BTBD3: variants seen among roughly 807,000 people sequenced by gnomAD.
BTBD3 encodes the protein BTB/POZ domain-containing protein 3.
Under a neutral mutation model 41.6 loss-of-function variants are expected in BTBD3, and 14 were observed. The observed-to-expected ratio is 0.34, with a 90% CI of 0.22 to 0.53. The LOEUF (loss-of-function observed/expected upper bound fraction) is 0.53. BTBD3 is among the 20% of genes least tolerant of loss of function. The pLI, the probability that BTBD3 is intolerant of heterozygous loss-of-function variation, is 0.95. For missense variants in BTBD3, 426 were observed against 654.7 expected, an observed-to-expected ratio of 0.65 and a Z score of 3.81; for synonymous variants, 249 against 233.7, an observed-to-expected ratio of 1.07 and a Z score of -0.60.
Position 11,923,763 on chromosome 20 carries a change from T to A in BTBD3, c.*97T>A. On this transcript the variant is annotated 3_prime_UTR_variant, in exon 4 of 4. Coordinates refer to ENST00000378226, the MANE Select transcript of BTBD3 (RefSeq NM_014962.4). The surrounding 1 kb of genome is among the most constrained non-coding windows in gnomAD (Gnocchi z 5.3). ...TCTGCAAATATGTGATCAGTGCCGG[T>A]AATTTGTAATGAATGAAGCGGTAGG... The A allele has an allele frequency of 8.4e-7, 1 of 1,192,512 alleles. No individual in the cohort carries two copies. The highest frequency in any genetic ancestry group is 2.4e-5 in the East Asian group (1 of 42,426). The allele number at this position is 1,192,512 out of a possible 1,614,324, so 73.9% of individuals were successfully genotyped here. A position where few individuals can be genotyped will look rare whatever the true frequency, so the allele number is the denominator to read the frequency against.
At chr20:11,913,045 C>T (rs527490524), upstream of BTBD3, among the ~76,000 whole-genome samples, 46 of 152,334 alleles carry the variant, frequency 3.0e-4, 1 homozygote, top group South Asian at 4.4e-3. Flanking sequence ...ACTATTCCCT[C>T]ATAACTTACC....
At chr20:11,900,322 G>T (rs1433626021) in intron 1 of BTBD3, among the ~76,000 whole-genome samples, 1 of 152,172 alleles carries the variant, frequency 6.6e-6, no homozygotes, top group African/African-American at 2.4e-5. Context: ...GGAAAAAATT[G>T]ACCTATGTAT....
chr20:11,893,003 A>G (rs1396538467), intron 1 of BTBD3, among the ~76,000 whole-genome samples: 1 of 152,088 alleles, frequency 6.6e-6, no homozygotes, highest in Non-Finnish European at 1.5e-5. Flanking sequence ...TAGTCTACAC[A>G]TTCTCCTACT....
At chr20:11,893,017 C>A (rs1410412720) in intron 1 of BTBD3, among the ~76,000 whole-genome samples, 1 of 151,916 alleles carries the variant, frequency 6.6e-6, no homozygotes, top group African/African-American at 2.4e-5. Flanking sequence ...TCCTACTTCC[C>A]TGCCCAAACA....
rs183715050 is a variant in BTBD3 at position 11,896,665 on chromosome 20, A to C, written c.-126+5711A>C. ...ATCCTTTCATTTCCAAGTTGCCTAG[A>C]GGTAATTTTATGTTTTTAAGACATG... On this transcript the variant is annotated intron_variant, in intron 1 of 4. Transcript: ENST00000254977. Among the ~76,000 whole-genome samples, 29 of 152,300 alleles carry C rather than the reference A, an allele frequency of 1.9e-4. No individual in the cohort carries two copies. In the East Asian group the frequency reaches 5.4e-3, roughly 28 times the overall value.
chr20:11,905,010 T>C (rs2056845283), intron 1 of BTBD3, among the ~76,000 whole-genome samples: 1 of 152,254 alleles, frequency 6.6e-6, no homozygotes, highest in South Asian at 2.1e-4. Context: ...TGTTGACACA[T>C]TTCATTATAC....
At chr20:11,899,000 T>G (rs779460232) in intron 1 of BTBD3, among the ~76,000 whole-genome samples, 28 of 152,206 alleles carry the variant, frequency 1.8e-4, no homozygotes, top group Admixed American at 3.3e-4. Context: ...TGGGAGCTTT[T>G]CAAAACATAC....
chr20:11,915,025 C>G (rs1475359799), upstream of BTBD3, among the ~76,000 whole-genome samples: 1 of 152,148 alleles, frequency 6.6e-6, no homozygotes, highest in Non-Finnish European at 1.5e-5. Context: ...ACTCGCCTTT[C>G]TCTATTTTAA....
intron 1 of BTBD3, among the ~76,000 whole-genome samples, chr20:11,898,971 G>C (rs1342206522): frequency 1.3e-5 from 2 of 152,158 alleles, no homozygotes; most frequent in Non-Finnish European, 2.9e-5. Flanking sequence ...TTTTAATCAA[G>C]AGTAGGTGTG....
intron 1 of BTBD3, among the ~76,000 whole-genome samples, chr20:11,908,565 T>G (rs2056870361): frequency 6.6e-6 from 1 of 152,006 alleles, no homozygotes; most frequent in Non-Finnish European, 1.5e-5. Context: ...GCAATTAGAT[T>G]ATTTTACTCT....
intron 2 of BTBD3, chr20:11,919,398 C>T (rs953950328): frequency 1.5e-5 from 21 of 1,407,104 alleles, no homozygotes; most frequent in Non-Finnish European, 1.8e-5. Context: ...TCTTAACTCT[C>T]CAGACATGGG....
chr20:11,901,701 C>A (rs887531573), intron 1 of BTBD3, among the ~76,000 whole-genome samples: 3 of 152,106 alleles, frequency 2.0e-5, no homozygotes, highest in African/African-American at 7.2e-5. Context: ...TCTTAGCTAG[C>A]AAATATCTCC....
At chr20:11,903,950 A>C (rs919265803) in intron 1 of BTBD3, among the ~76,000 whole-genome samples, 8 of 152,140 alleles carry the variant, frequency 5.3e-5, no homozygotes, top group African/African-American at 1.9e-4. Flanking sequence ...TTCTGTCTAC[A>C]ATGTGCAAAA....
chr20:11,900,792 C>T (rs1220492922), intron 1 of BTBD3, among the ~76,000 whole-genome samples: 3 of 149,882 alleles, frequency 2.0e-5, no homozygotes, highest in Admixed American at 6.7e-5. Flanking sequence ...ACTGCAAGCT[C>T]TGCCTTCTGG....
rs1049163505 is a variant in BTBD3 at position 11,924,992 on chromosome 20, G to T, written c.*1326G>T. On this transcript the variant is annotated 3_prime_UTR_variant, in exon 4 of 4. Transcript: ENST00000378226. The stretch of plus-strand genomic sequence containing the variant: ...TTAAATTCTCCTTCGCTGCTGGCTT[G>T]TGCTGGTTTAGTGCCTGTGTCCCTG... 6.5e-5 allele frequency: 10 copies of T among 152,844 alleles called. No homozygotes were observed. Among genetic ancestry groups the T allele is most frequent in the African/African-American group, 1.9e-4 (8 of 41,602 alleles). The allele number at this position is 152,844 out of a possible 1,614,324, so 9.5% of individuals were successfully genotyped here.
At chr20:11,900,734 G>T (rs1230793879) in intron 1 of BTBD3, among the ~76,000 whole-genome samples, 3 of 143,650 alleles carry the variant, frequency 2.1e-5, no homozygotes, top group Non-Finnish European at 3.0e-5. Context: ...TTGAGACAGA[G>T]TGTGGCTCTG....
chr20:11,924,755 A>G lies in BTBD3; in HGVS notation c.*1089A>G, dbSNP rs1290517970. The G allele has an allele frequency of 6.6e-6, 1 of 152,572 alleles. No homozygotes were observed. The highest frequency in any genetic ancestry group is 1.5e-5 in the Non-Finnish European group (1 of 68,022). The allele number at this position is 152,572 out of a possible 1,614,324, so 9.5% of individuals were successfully genotyped here. ...TTTACCTGATCCACTTTGATTGTATACTATATTCTTTGTTAATTTTAATTT... is the reference window on the plus strand; with the variant it reads ...TTTACCTGATCCACTTTGATTGTATGCTATATTCTTTGTTAATTTTAATTT... On this transcript the variant is annotated 3_prime_UTR_variant, in exon 4 of 4. Coordinates refer to ENST00000378226, the MANE Select transcript of BTBD3 (RefSeq NM_014962.4).
At chr20:11,908,336 TTTTA>T (rs2056869154) in intron 1 of BTBD3, among the ~76,000 whole-genome samples, 1 of 148,156 alleles carries the variant, frequency 6.7e-6, no homozygotes, top group African/African-American at 2.5e-5. Flanking sequence ...TTTTTTTTTT[TTTTA>T]AATAAGGTAC....
At chr20:11,894,523 G>C (rs1472733256) in intron 1 of BTBD3, among the ~76,000 whole-genome samples, 1 of 150,338 alleles carries the variant, frequency 6.7e-6, no homozygotes, top group Non-Finnish European at 1.5e-5. Flanking sequence ...TTTTTCTTTT[G>C]TTTTCCTTTT....
Sources: gnomAD v4.1 joint callset for allele counts (sites outside exome capture counted in the v4.1 genomes callset) on GRCh38, gnomAD v4.1.1 for gene constraint, Gnocchi (gnomAD v3.1) non-coding constraint, MANE v1.5 for transcripts, NCBI Gene and HGNC (gene_info 2026-07-23, HGNC 2026-07-21) for gene names.